Variants in FAM110B observed in about 807,000 individuals in gnomAD.
The protein encoded by FAM110B is family with sequence similarity 110 member B.
A neutral mutation model predicts 20.4 loss-of-function variants in FAM110B; 6 were observed. The observed-to-expected ratio is 0.29, with a 90% CI of 0.16 to 0.58. FAM110B has a LOEUF of 0.58. FAM110B is among the 20% of genes least tolerant of loss of function. FAM110B has a pLI of 0.90. For missense variants in FAM110B, 434 were observed against 498.2 expected (o/e 0.87, Z 1.23); for synonymous variants, 226 against 214.1 (o/e 1.06, Z -0.49).
chr8:58,091,709 C>G (rs779276504), intron 3 of FAM110B: 1 of 152,068 alleles, frequency 6.6e-6, no homozygotes, highest in Non-Finnish European at 1.5e-5. Context: ...TATAAAAATA[C>G]GATCCTACTG....
At chr8:58,137,527 T>C (rs1803648710) in intron 3 of FAM110B, among the ~76,000 whole-genome samples, 1 of 151,968 alleles carries the variant, frequency 6.6e-6, no homozygotes. Context: ...GCCATTGCAC[T>C]CCAGCCTGGG....
chr8:58,079,342 T>C (rs1195364226), intron 3 of FAM110B, among the ~76,000 whole-genome samples: 1 of 152,250 alleles, frequency 6.6e-6, no homozygotes, highest in African/African-American at 2.4e-5. Context: ...TTTTACTTAT[T>C]CACAAAAATT....
intron 2 of FAM110B, among the ~76,000 whole-genome samples, chr8:58,075,069 T>C (rs1805999516): frequency 6.6e-6 from 1 of 152,008 alleles, no homozygotes; most frequent in African/African-American, 2.4e-5. Flanking sequence ...TGTACTGACA[T>C]GTTTGCTGTC....
At chr8:58,081,758 G>A (rs956629258) in intron 3 of FAM110B, among the ~76,000 whole-genome samples, 34 of 151,476 alleles carry the variant, frequency 2.2e-4, no homozygotes, top group African/African-American at 1.5e-4. Flanking sequence ...TTTAGTGCCC[G>A]TTTCAAAAGT....
chr8:58,074,382 T>A (rs1009383597), intron 2 of FAM110B, among the ~76,000 whole-genome samples: 2 of 151,996 alleles, frequency 1.3e-5, no homozygotes, highest in South Asian at 2.1e-4. Flanking sequence ...CACACCAACC[T>A]CCTGTGCCTT....
At chr8:58,114,557 C>G (rs1807149234) in intron 3 of FAM110B, among the ~76,000 whole-genome samples, 1 of 152,148 alleles carries the variant, frequency 6.6e-6, no homozygotes, top group Non-Finnish European at 1.5e-5. Context: ...GCTTCTTTTT[C>G]TGTATTCAAA....
intron 2 of FAM110B, among the ~76,000 whole-genome samples, chr8:58,038,595 C>T (rs539334929): frequency 4.6e-5 from 7 of 152,116 alleles, no homozygotes; most frequent in South Asian, 4.1e-4. Flanking sequence ...CTACTAAAAA[C>T]GCAAAAGTTA....
At chr8:58,079,244 G>A (rs753821864) in intron 3 of FAM110B, among the ~76,000 whole-genome samples, 14 of 152,288 alleles carry the variant, frequency 9.2e-5, no homozygotes, top group East Asian at 3.9e-4. Flanking sequence ...CCACTGTGCC[G>A]GGAGCCAGGC....
At chr8:58,030,739 G>A (rs1162148872) in intron 1 of FAM110B, among the ~76,000 whole-genome samples, 2 of 152,136 alleles carry the variant, frequency 1.3e-5, no homozygotes, top group African/African-American at 2.4e-5. Context: ...AAACAAAGAC[G>A]CAGTCATTTG....
intron 2 of FAM110B, among the ~76,000 whole-genome samples, chr8:58,037,545 A>C (rs1173417911): frequency 4.0e-5 from 6 of 151,864 alleles, no homozygotes; most frequent in Non-Finnish European, 8.8e-5. Context: ...AAGCTTAGGC[A>C]GGAGGATTGC....
chr8:58,113,893 A>G (rs1433146871), intron 3 of FAM110B, among the ~76,000 whole-genome samples: 1 of 152,252 alleles, frequency 6.6e-6, no homozygotes, highest in African/African-American at 2.4e-5. Context: ...GAAAGAAGAT[A>G]AATGGCAAAG....
At chr8:58,069,852 G>A (rs1185499079) in intron 2 of FAM110B, among the ~76,000 whole-genome samples, 3 of 152,102 alleles carry the variant, frequency 2.0e-5, no homozygotes, top group Non-Finnish European at 2.9e-5. Context: ...TAAGTAAGCC[G>A]ATAGTGCTAT....
chr8:58,068,386 A>G (rs1805817964), intron 2 of FAM110B, among the ~76,000 whole-genome samples: 2 of 152,166 alleles, frequency 1.3e-5, no homozygotes, highest in South Asian at 2.1e-4. Flanking sequence ...TTTATGGACC[A>G]TGAGTTTCTG....
At chr8:58,130,762 C>CT (rs1320786164) in intron 3 of FAM110B, among the ~76,000 whole-genome samples, 1 of 152,166 alleles carries the variant, frequency 6.6e-6, no homozygotes, top group Non-Finnish European at 1.5e-5. Context: ...TGTTGATAAA[C>CT]TTTAAGTTCA....
At chr8:58,135,811 G>A (rs574414502) in intron 3 of FAM110B, among the ~76,000 whole-genome samples, 1 of 152,228 alleles carries the variant, frequency 6.6e-6, no homozygotes, top group Admixed American at 6.5e-5. Flanking sequence ...AAGGGGATCA[G>A]ACCGCCTTTT....
chr8:58,084,290 C>T (rs1403239786), intron 3 of FAM110B, among the ~76,000 whole-genome samples: 3 of 152,072 alleles, frequency 2.0e-5, no homozygotes, highest in Non-Finnish European at 4.4e-5. Context: ...GATTGTTGGC[C>T]TATAAGTAGT....
chr8:58,024,148 A>T (rs2150570532), intron 1 of FAM110B, among the ~76,000 whole-genome samples: 1 of 150,718 alleles, frequency 6.6e-6, no homozygotes, highest in Admixed American at 6.6e-5. Context: ...ACATTTGAGT[A>T]AATTTAATGA....
chr8:58,007,325 A>C (rs1342046424), intron 1 of FAM110B, among the ~76,000 whole-genome samples: 1 of 152,116 alleles, frequency 6.6e-6, no homozygotes, highest in Non-Finnish European at 1.5e-5. Flanking sequence ...GAAATTGTCC[A>C]TGCACTTTGT....
At chr8:58,137,781 A>G (rs964879053) in intron 3 of FAM110B, among the ~76,000 whole-genome samples, 1 of 152,148 alleles carries the variant, frequency 6.6e-6, no homozygotes, top group Non-Finnish European at 1.5e-5. Flanking sequence ...CATTTGCCCC[A>G]CTGAATTCTC....
Sources: allele counts gnomAD v4.1 joint callset (sites outside exome capture counted in the v4.1 genomes callset), GRCh38; gene constraint gnomAD v4.1.1; transcripts MANE v1.5; gene names NCBI Gene and HGNC (gene_info 2026-07-23, HGNC 2026-07-21).